Variants in COPG2 observed in about 807,000 individuals in gnomAD.
COPG2 encodes coat protein complex I subunit gamma 2, also known as coatomer subunit gamma-2.
A neutral mutation model predicts 46.3 loss-of-function variants in COPG2; 37 were observed. The ratio of observed to expected loss-of-function variants is 0.80; its 90% CI spans 0.61 to 1.05. The LOEUF is 1.05. Among genes scored for constraint, COPG2 ranks in the 50% least tolerant of loss-of-function variants. COPG2 has a pLI of 0.00. For missense variants in COPG2, 427 were observed against 387.8 expected, an observed-to-expected ratio of 1.10 and a Z score of -0.85; for synonymous variants, 159 against 129.7, an observed-to-expected ratio of 1.23 and a Z score of -1.53.
intron 9 of COPG2, among the ~76,000 whole-genome samples, chr7:130,578,396 G>GA (rs1404849665): frequency 6.7e-6 from 1 of 149,664 alleles, no homozygotes; most frequent in Non-Finnish European, 1.5e-5. Flanking sequence ...CAAAGATGGG[G>GA]AAAAAACAGA....
Position 130,571,899 on chromosome 7 carries a change from A to C in COPG2, c.738-7506T>G, listed in dbSNP as rs1793910534. On this transcript the variant is annotated intron_variant, in intron 9 of 23. Coordinates refer to ENST00000425248, the MANE Select transcript of COPG2 (RefSeq NM_012133.6). ...CACACACACATATATACACCATGGA[A>C]TACTACTCAGCCATTAAAAGGAATG... Among the ~76,000 whole-genome samples the C allele has an allele frequency of 2.0e-5, 3 of 152,070 alleles. No individual in the cohort carries two copies. In the South Asian group the frequency reaches 6.2e-4, roughly 32 times the overall value.
At chr7:130,662,119 A>G (rs62473532) in intron 4 of COPG2, among the ~76,000 whole-genome samples, 29,771 of 152,122 alleles carry the variant, frequency 0.2, 3,098 homozygotes, top group Middle Eastern at 0.25. Flanking sequence ...TAGTAGAAGC[A>G]TCAGTCCTTT....
chr7:130,590,372 CAGCCTGCCGAGTGCCTGCG>C (rs1794372534), intron 9 of COPG2, among the ~76,000 whole-genome samples: 3 of 152,228 alleles, frequency 2.0e-5, no homozygotes, highest in Non-Finnish European at 4.4e-5. Context: ...TCTCCTGCCT[CAGCCTGCCGAGTGCCTGCG>C]ACTGCAGGTG....
intron 20 of COPG2, chr7:130,511,683 G>T (rs1799597818): frequency 1.9e-6 from 1 of 513,402 alleles, no homozygotes; most frequent in Non-Finnish European, 3.9e-6. Flanking sequence ...GGAAGCAAAG[G>T]AAAGAAAATA....
chr7:130,514,379 A>G (rs976395185), intron 20 of COPG2, among the ~76,000 whole-genome samples: 1 of 152,182 alleles, frequency 6.6e-6, no homozygotes, highest in African/African-American at 2.4e-5. Flanking sequence ...GGTAGATGAA[A>G]TTTTACTCTA....
At chr7:130,527,668 G>A (rs1799786567) in intron 20 of COPG2, among the ~76,000 whole-genome samples, 2 of 152,184 alleles carry the variant, frequency 1.3e-5, no homozygotes, top group Non-Finnish European at 2.9e-5. Flanking sequence ...ATCCTCGGGT[G>A]AGAATCACTG....
At chr7:130,602,135 A>T (rs190496700) in intron 9 of COPG2, among the ~76,000 whole-genome samples, 2 of 152,324 alleles carry the variant, frequency 1.3e-5, no homozygotes, top group Admixed American at 1.3e-4. Flanking sequence ...AGTAAGTATT[A>T]CTTATAAGCT....
At chr7:130,633,871 T>C (rs1289713755) in intron 5 of COPG2, among the ~76,000 whole-genome samples, 1 of 152,240 alleles carries the variant, frequency 6.6e-6, no homozygotes, top group Non-Finnish European at 1.5e-5. Context: ...TTTAAGTCTT[T>C]AATCCATTTT....
At chr7:130,597,737 CA>C in intron 9 of COPG2, among the ~76,000 whole-genome samples, 1 of 152,232 alleles carries the variant, frequency 6.6e-6, no homozygotes, top group South Asian at 2.1e-4. Context: ...TGCTGTGTTC[CA>C]GGGGAGCCTT....
intron 9 of COPG2, among the ~76,000 whole-genome samples, chr7:130,574,998 A>C (rs1554446004): frequency 6.6e-6 from 1 of 152,196 alleles, no homozygotes; most frequent in Non-Finnish European, 1.5e-5. Context: ...CCAATCCAAT[A>C]AAGACAGAAA....
At chr7:130,585,183 C>A (rs1794240910) in intron 9 of COPG2, among the ~76,000 whole-genome samples, 1 of 151,994 alleles carries the variant, frequency 6.6e-6, no homozygotes, top group African/African-American at 2.4e-5. Context: ...GCCAACTGAT[C>A]TTTGACAAAG....
intron 5 of COPG2, among the ~76,000 whole-genome samples, chr7:130,641,838 C>T (rs1199200131): frequency 2.0e-5 from 3 of 152,120 alleles, no homozygotes; most frequent in African/African-American, 4.8e-5. Flanking sequence ...GTATCTTTCT[C>T]CCCCTACCCG....
At chr7:130,576,935 C>A (rs2116427900) in intron 9 of COPG2, among the ~76,000 whole-genome samples, 1 of 152,230 alleles carries the variant, frequency 6.6e-6, no homozygotes, top group East Asian at 1.9e-4. Flanking sequence ...GAAGATATTA[C>A]AACTGACACC....
intron 12 of COPG2, among the ~76,000 whole-genome samples, chr7:130,559,756 C>G (rs1392046367): frequency 6.6e-6 from 1 of 152,180 alleles, no homozygotes; most frequent in Non-Finnish European, 1.5e-5. Flanking sequence ...AAAACTAGAA[C>G]AGCAACTGCT....
At chr7:130,662,139 G>T (rs1224472858) in intron 4 of COPG2, among the ~76,000 whole-genome samples, 1 of 152,132 alleles carries the variant, frequency 6.6e-6, no homozygotes, top group South Asian at 2.1e-4. Flanking sequence ...TATCCCATAT[G>T]TGAGGAAATT....
intron 18 of COPG2, among the ~76,000 whole-genome samples, chr7:130,548,953 T>C (rs1204964904): frequency 6.6e-6 from 1 of 150,508 alleles, no homozygotes; most frequent in Non-Finnish European, 1.5e-5. Flanking sequence ...ATAGCCTTAC[T>C]AATAGTTGAA....
At chr7:130,515,360 ACAGT>A (rs1318582363) in intron 20 of COPG2, among the ~76,000 whole-genome samples, 1 of 152,116 alleles carries the variant, frequency 6.6e-6, no homozygotes, top group Non-Finnish European at 1.5e-5. Flanking sequence ...CACACTGAAA[ACAGT>A]CAGGTCGTGT....
chr7:130,599,624 TCTATACTTTCA>T (rs1199307950), intron 9 of COPG2, among the ~76,000 whole-genome samples: 1 of 151,992 alleles, frequency 6.6e-6, no homozygotes, highest in African/African-American at 2.4e-5. Context: ...GCAGTAAATC[TCTATACTTTCA>T]CTAGAAGAAA....
chr7:130,587,022 T>C (rs1448298100), intron 9 of COPG2, among the ~76,000 whole-genome samples: 4 of 151,864 alleles, frequency 2.6e-5, no homozygotes, highest in Non-Finnish European at 5.9e-5. Flanking sequence ...AAAAATACCA[T>C]TCAGCTGGGC....
Sources: allele counts gnomAD v4.1 joint callset (sites outside exome capture counted in the v4.1 genomes callset), GRCh38; gene constraint gnomAD v4.1.1; transcripts MANE v1.5; gene names NCBI Gene and HGNC (gene_info 2026-07-23, HGNC 2026-07-21).